The following AGPAT5 variants were observed in gnomAD, a reference collection of about 807,000 sequenced individuals.
AGPAT5 encodes 1-acyl-sn-glycerol-3-phosphate acyltransferase epsilon.
In AGPAT5, 46 loss-of-function variants were observed where a neutral mutation model predicts 45.6. The ratio of observed to expected loss-of-function variants is 1.01; its 90% CI spans 0.80 to 1.29. The LOEUF is 1.29. AGPAT5 is among the 50% of genes most tolerant of loss of function. The pLI is 0.00. For synonymous variants in AGPAT5, 272 were observed against 167.0 expected (o/e 1.63, Z -4.85); for missense variants, 673 against 450.7 (o/e 1.49, Z -4.47).
chr8:6,725,065 C>G (rs1357409258), intron 2 of AGPAT5, 126 bp downstream of exon 2: 2 of 329,286 alleles, frequency 6.1e-6, no homozygotes, highest in Non-Finnish European at 1.1e-5. Flanking sequence ...AGATATTACA[C>G]CTGTTCTTGT....
intron 6 of AGPAT5, among the ~76,000 whole-genome samples, chr8:6,748,348 A>C (rs1306050843): frequency 4.6e-5 from 7 of 152,336 alleles, no homozygotes. Flanking sequence ...GAGCAGGATA[A>C]CTTAGTTAAA....
At chr8:6,710,492 T>C (rs939546565) in intron 1 of AGPAT5, among the ~76,000 whole-genome samples, 4 of 152,250 alleles carry the variant, frequency 2.6e-5, no homozygotes, top group African/African-American at 4.8e-5. Flanking sequence ...TGAAGTTCTT[T>C]AGGAGTCGTA....
intron 1 of AGPAT5, among the ~76,000 whole-genome samples, chr8:6,717,333 C>T (rs1009751626): frequency 1.3e-5 from 2 of 152,070 alleles, no homozygotes; most frequent in African/African-American, 4.8e-5. Context: ...GACTTTACTG[C>T]GCTCCTCCAG....
rs1216724777 is a variant in AGPAT5, at chr8:6,760,757, A to G, written c.*3369A>G. On this transcript the variant is annotated 3_prime_UTR_variant, in exon 8 of 8. Coordinates refer to ENST00000285518, the MANE Select transcript of AGPAT5 (RefSeq NM_018361.5). ...CACACTTTTTGATTAAAGAACTTGA[A>G]ATTACGTTATCACTTAGTATAATTG... Among the ~76,000 whole-genome samples, 1 of 152,190 alleles carries G rather than the reference A, an allele frequency of 6.6e-6. No individual in the cohort carries two copies. The highest frequency in any genetic ancestry group is 1.5e-5 in the Non-Finnish European group (1 of 68,042).
At chr8:6,730,199 C>G (rs1282257972) in intron 2 of AGPAT5, among the ~76,000 whole-genome samples, 3 of 150,076 alleles carry the variant, frequency 2.0e-5, no homozygotes, top group Admixed American at 6.6e-5. Context: ...TGTATTTTAT[C>G]TTTGAAATAA....
At chr8:6,734,193 A>T (rs1054259010) in intron 4 of AGPAT5, among the ~76,000 whole-genome samples, 1 of 149,898 alleles carries the variant, frequency 6.7e-6, no homozygotes, top group Non-Finnish European at 1.5e-5. Flanking sequence ...TTCTCCAGTT[A>T]TGTTTGTGTT....
chr8:6,714,722 G>T (rs975142671), intron 1 of AGPAT5, among the ~76,000 whole-genome samples: 2 of 152,170 alleles, frequency 1.3e-5, no homozygotes, highest in African/African-American at 4.8e-5. Flanking sequence ...TTGTGGGAAG[G>T]TTCTTTAGTT....
chr8:6,759,656 C>G lies in AGPAT5; in HGVS notation c.*2268C>G, dbSNP rs749940626. 1.3e-5 allele frequency: 2 copies of G among 152,068 alleles called. No individual in the cohort carries two copies. The highest frequency in any genetic ancestry group is 2.9e-5 in the Non-Finnish European group (2 of 68,022). 9.4% of individuals were successfully genotyped at this position (152,068 alleles called of 1,614,324 possible). On this transcript the variant is annotated 3_prime_UTR_variant, in exon 8 of 8. Coordinates refer to ENST00000285518, the MANE Select transcript of AGPAT5 (RefSeq NM_018361.5). ...GTAAAAAAAAAAATAAAATCTTTCA[C>G]TGTCTCTAATGGCTGTGCTGTTTAA...
At chr8:6,733,783 C>T (rs999590372) in intron 4 of AGPAT5, among the ~76,000 whole-genome samples, 2 of 152,354 alleles carry the variant, frequency 1.3e-5, no homozygotes, top group South Asian at 4.1e-4. Context: ...GCTGTCCAGT[C>T]ACCCCAGCAA....
At chr8:6,734,431 C>G (rs1045589364) in intron 4 of AGPAT5, among the ~76,000 whole-genome samples, 4 of 152,090 alleles carry the variant, frequency 2.6e-5, no homozygotes, top group African/African-American at 9.7e-5. Context: ...TGTTTCATTC[C>G]TCACATTTCC....
At chr8:6,726,225 T>C (rs76874490) in intron 2 of AGPAT5, among the ~76,000 whole-genome samples, 6,184 of 152,294 alleles carry the variant, frequency 0.041, 418 homozygotes, top group African/African-American at 0.14. Flanking sequence ...CATTCTGCTT[T>C]TCCTGTCCTG....
intron 1 of AGPAT5, among the ~76,000 whole-genome samples, chr8:6,723,416 G>A (rs1194008071): frequency 6.6e-6 from 1 of 152,100 alleles, no homozygotes; most frequent in African/African-American, 2.4e-5. Context: ...TGAACTTCTG[G>A]GCTTAAGAGA....
At chr8:6,749,689 T>C (rs1488190494) in intron 6 of AGPAT5, among the ~76,000 whole-genome samples, 2 of 152,248 alleles carry the variant, frequency 1.3e-5, no homozygotes, top group Non-Finnish European at 2.9e-5. Context: ...TACTTACCTA[T>C]TTTTGCATTT....
intron 1 of AGPAT5, among the ~76,000 whole-genome samples, chr8:6,723,488 T>C (rs1268222172): frequency 7.2e-6 from 1 of 138,178 alleles, no homozygotes; most frequent in African/African-American, 2.6e-5. Flanking sequence ...CCCAAAGCAC[T>C]GGGATTGCAG....
intron 6 of AGPAT5, among the ~76,000 whole-genome samples, chr8:6,749,564 A>G (rs969253615): frequency 6.6e-6 from 1 of 152,080 alleles, no homozygotes; most frequent in African/African-American, 2.4e-5. Context: ...CAGTTTTCTT[A>G]ATTTGTTGTG....
chr8:6,738,720 ATC>A (rs1172313790), intron 4 of AGPAT5, among the ~76,000 whole-genome samples: 1 of 152,196 alleles, frequency 6.6e-6, no homozygotes, highest in African/African-American at 2.4e-5. Context: ...AGTTTTTTGC[ATC>A]TGTTACTTAC....
At chr8:6,735,729 C>G (rs1213894302) in intron 4 of AGPAT5, among the ~76,000 whole-genome samples, 2 of 151,746 alleles carry the variant, frequency 1.3e-5, no homozygotes, top group African/African-American at 4.8e-5. Context: ...CTTCAGCATT[C>G]TACATACTTA....
chr8:6,755,646 T>G (rs1262478998), intron 7 of AGPAT5, among the ~76,000 whole-genome samples: 1 of 152,240 alleles, frequency 6.6e-6, no homozygotes, highest in African/African-American at 2.4e-5. Flanking sequence ...TTGACAGCGT[T>G]ATATCCAAAG....
At chr8:6,732,103 C>T (rs543701943) in intron 3 of AGPAT5, among the ~76,000 whole-genome samples, 4 of 152,318 alleles carry the variant, frequency 2.6e-5, no homozygotes, top group South Asian at 2.1e-4. Flanking sequence ...TTTGGGGGAA[C>T]ACACTTCTGT....
Sources: gnomAD v4.1 joint callset for allele counts (sites outside exome capture counted in the v4.1 genomes callset) on GRCh38, gnomAD v4.1.1 for gene constraint, MANE v1.5 for transcripts, NCBI Gene and HGNC (gene_info 2026-07-23, HGNC 2026-07-21) for gene names.